The following SLC25A21 variants were observed in gnomAD, a reference collection of about 807,000 sequenced individuals.
The protein encoded by SLC25A21 is solute carrier family 25 member 21, also known as mitochondrial 2-oxodicarboxylate carrier.
Under a neutral mutation model 43.8 loss-of-function variants are expected in SLC25A21, and 47 were observed. The observed-to-expected ratio is 1.07, with a 90% CI of 0.85 to 1.37. The LOEUF is 1.37. SLC25A21 is among the 40% of genes most tolerant of loss of function. The pLI, the probability that SLC25A21 is intolerant of heterozygous loss-of-function variation, is 0.00. For missense variants in SLC25A21, 352 were observed against 350.2 expected (o/e 1.00, Z -0.04); for synonymous variants, 131 against 121.3 (o/e 1.08, Z -0.52).
chr14:37,046,478 C>T (rs943588590), intron 1 of SLC25A21, among the ~76,000 whole-genome samples: 6 of 152,068 alleles, frequency 3.9e-5, no homozygotes, highest in Admixed American at 2.0e-4. Context: ...GCCTATCTCT[C>T]AATATATATG....
intron 9 of SLC25A21, among the ~76,000 whole-genome samples, chr14:36,681,263 G>C (rs997029128): frequency 2.6e-5 from 4 of 152,188 alleles, no homozygotes; most frequent in Admixed American, 2.6e-4. Context: ...CTAACAAAAG[G>C]AGGTTGAAAG....
At chr14:36,860,250 C>T (rs938993422) in intron 2 of SLC25A21, among the ~76,000 whole-genome samples, 1 of 152,044 alleles carries the variant, frequency 6.6e-6, no homozygotes, top group African/African-American at 2.4e-5. Flanking sequence ...AAGCCAGTCA[C>T]TCCAGGAAAA....
chr14:37,007,346 T>C (rs1266164978), intron 1 of SLC25A21, among the ~76,000 whole-genome samples: 1 of 152,184 alleles, frequency 6.6e-6, no homozygotes, highest in Admixed American at 6.5e-5. Context: ...CTCACGCCTG[T>C]AATCCCAGCA....
chr14:37,162,993 G>A (rs1382851001), intron 1 of SLC25A21, among the ~76,000 whole-genome samples: 1 of 152,124 alleles, frequency 6.6e-6, no homozygotes, highest in Non-Finnish European at 1.5e-5. Flanking sequence ...CCTTTGTAGG[G>A]ACATGGATGA....
chr14:36,781,056 C>A (rs1281200172), intron 3 of SLC25A21, among the ~76,000 whole-genome samples: 2 of 152,068 alleles, frequency 1.3e-5, no homozygotes, highest in African/African-American at 4.8e-5. Context: ...GAGGAATTGA[C>A]TTCTTTATTA....
chr14:37,112,406 G>A lies in SLC25A21; in HGVS notation c.70+59875C>T, dbSNP rs77339163. 0.016 allele frequency among the ~76,000 whole-genome samples: 2,422 copies of A among 152,262 alleles called. 183 individuals are homozygous for A. The East Asian group carries it at 0.26, about 16-fold the overall frequency. On this transcript the variant is annotated intron_variant, in intron 1 of 9. Transcript: ENST00000331299. ...GAGGGAGAAATAAGAGAAAATGGGAGATGAAGTAACAAAAATCAGAAATTT... is the reference window on the plus strand; with the variant it reads ...GAGGGAGAAATAAGAGAAAATGGGAAATGAAGTAACAAAAATCAGAAATTT...
intron 1 of SLC25A21, among the ~76,000 whole-genome samples, chr14:37,051,542 C>G (rs2138798285): frequency 6.6e-6 from 1 of 152,282 alleles, no homozygotes. Flanking sequence ...ATGTAAGAAA[C>G]AGATGGCACA....
rs556878685 is a variant in SLC25A21 at position 36,781,761 on chromosome 14, A to G, written c.203+32157T>C. ...TCTTTTAACCATTATACTAGAGTTA[A>G]AAGTAAGTTATGCATCACCATTACA... On this transcript the variant is annotated intron_variant, in intron 3 of 9. Transcript: ENST00000331299. Among the ~76,000 whole-genome samples the G allele has an allele frequency of 7.2e-5, 11 of 152,342 alleles. No individual in the cohort carries two copies. In the South Asian group the frequency reaches 1.9e-3, roughly 26 times the overall value.
chr14:36,847,309 C>T (rs1889577003), intron 2 of SLC25A21, among the ~76,000 whole-genome samples: 2 of 152,022 alleles, frequency 1.3e-5, no homozygotes, highest in African/African-American at 4.8e-5. Context: ...CATTAAAATA[C>T]CCAGCCATCA....
rs147778641 is a variant in SLC25A21 at position 37,028,252 on chromosome 14, GA to G, written c.70+144028del. 0.016 allele frequency among the ~76,000 whole-genome samples: 2,403 copies of G among 151,752 alleles called. 174 individuals carry two copies. In the East Asian group the frequency reaches 0.25, roughly 16 times the overall value. On this transcript the variant is annotated intron_variant, in intron 1 of 9. Coordinates refer to ENST00000331299, the MANE Select transcript of SLC25A21 (RefSeq NM_030631.4). ...TTGGTATACCAATAGTGGTTGAGAA[GA>G]AAAAAAATTATAATGAAAAAGCACA...
chr14:36,684,614 T>G lies in SLC25A21; in HGVS notation c.785+130A>C, dbSNP rs1882445189. The G allele has an allele frequency of 6.5e-6, 5 of 770,978 alleles. No individual in the cohort carries two copies. The East Asian group carries it at 1.0e-4, about 16-fold the overall frequency. The allele number at this position is 770,978 out of a possible 1,614,324, so 47.8% of individuals were successfully genotyped here. On this transcript the variant is annotated intron_variant, in intron 8 of 9. Coordinates refer to ENST00000331299, the MANE Select transcript of SLC25A21 (RefSeq NM_030631.4). ...GTTGTCTTGGAAAGTTTGTCATATA[T>G]ATTCGCAGTTTCTTAGACACAAGCT...
At chr14:36,970,147 T>A (rs1475070144) in intron 1 of SLC25A21, among the ~76,000 whole-genome samples, 1 of 151,930 alleles carries the variant, frequency 6.6e-6, no homozygotes, top group Non-Finnish European at 1.5e-5. Context: ...GAAGAGAAAA[T>A]TTAAAAATAT....
At chr14:36,876,168 G>T (rs11621934) in intron 1 of SLC25A21, among the ~76,000 whole-genome samples, 1 of 151,876 alleles carries the variant, frequency 6.6e-6, no homozygotes, top group Non-Finnish European at 1.5e-5. Flanking sequence ...CTTGAATTTA[G>T]CCATGATGTA....
chr14:36,726,441 TA>T (rs56038928), intron 5 of SLC25A21, among the ~76,000 whole-genome samples: 3,081 of 103,780 alleles, frequency 0.03, 91 homozygotes, highest in African/African-American at 0.095. Context: ...TCAAATAAAA[TA>T]AAAAAAAAAA....
At chr14:36,955,993 G>A (rs1314511495) in intron 1 of SLC25A21, among the ~76,000 whole-genome samples, 1 of 152,108 alleles carries the variant, frequency 6.6e-6, no homozygotes, top group Non-Finnish European at 1.5e-5. Flanking sequence ...ATCCATCACT[G>A]TACATTAATG....
chr14:36,975,567 C>T (rs926179668), intron 1 of SLC25A21, among the ~76,000 whole-genome samples: 2 of 152,158 alleles, frequency 1.3e-5, no homozygotes, highest in African/African-American at 2.4e-5. Context: ...AGAATACATA[C>T]ATTAAAGTTT....
chr14:36,786,845 G>A (rs1464116005), intron 3 of SLC25A21, among the ~76,000 whole-genome samples: 1 of 152,162 alleles, frequency 6.6e-6, no homozygotes, highest in Non-Finnish European at 1.5e-5. Flanking sequence ...CCCAGCCTCT[G>A]TACAGGAAAT....
intron 1 of SLC25A21, among the ~76,000 whole-genome samples, chr14:36,887,279 A>G (rs1243435297): frequency 1.3e-5 from 2 of 151,874 alleles, no homozygotes; most frequent in African/African-American, 4.8e-5. Flanking sequence ...AAAGTGAAAA[A>G]AAGGCCAGGC....
chr14:36,997,278 A>C (rs770717210), intron 1 of SLC25A21, among the ~76,000 whole-genome samples: 1 of 152,132 alleles, frequency 6.6e-6, no homozygotes, highest in Non-Finnish European at 1.5e-5. Flanking sequence ...CTGATGATAC[A>C]GTCTATGCTC....
Sources: allele counts gnomAD v4.1 joint callset (sites outside exome capture counted in the v4.1 genomes callset), GRCh38; gene constraint gnomAD v4.1.1; transcripts MANE v1.5; gene names NCBI Gene and HGNC (gene_info 2026-07-23, HGNC 2026-07-21).